Variants in IQCH observed in about 807,000 individuals in gnomAD.
IQCH encodes the protein IQ domain-containing protein H.
A neutral mutation model predicts 117.0 loss-of-function variants in IQCH; 98 were observed. That is an observed-to-expected ratio of 0.84 (90% CI 0.71 to 0.99). IQCH has a LOEUF of 0.99. Among genes scored for constraint, IQCH ranks in the 50% least tolerant of loss-of-function variants. IQCH has a pLI of 0.00. For missense variants in IQCH, 1,102 were observed against 1,243.8 expected, an observed-to-expected ratio of 0.89 and a Z score of 1.72; for synonymous variants, 412 against 448.2, an observed-to-expected ratio of 0.92 and a Z score of 1.02.
Position 67,466,799 on chromosome 15 carries a change from G to A in IQCH, c.2676+1502G>A, listed in dbSNP as rs527591674. ...CCAGGACCTTGCTAAGAGGCTTTCA[G>A]GTCCATCTCCACCTGTGGCCTCCAT... is the stretch of plus-strand genomic sequence containing the variant. On this transcript the variant is annotated intron_variant, in intron 17 of 20. Coordinates refer to ENST00000335894, the MANE Select transcript of IQCH (RefSeq NM_001031715.3). This position sits in a 1 kb window ranked among gnomAD's most constrained non-coding sequence, Gnocchi z 4.4. 2 of 152,504 alleles carry A rather than the reference G, an allele frequency of 1.3e-5. No homozygotes were observed. Among genetic ancestry groups the A allele is most frequent in the Admixed American group, 1.3e-4 (2 of 15,302 alleles). The allele number at this position is 152,504 out of a possible 1,614,324, so 9.4% of individuals were successfully genotyped here. A position where few individuals can be genotyped will look rare whatever the true frequency, so the allele number is the denominator to read the frequency against.
rs1378462680 is a variant in IQCH, at chr15:67,365,748, G to A, written c.753+5863G>A. Among the ~76,000 whole-genome samples, 6 of 152,134 alleles carry A rather than the reference G, an allele frequency of 3.9e-5. No individual in the cohort carries two copies. Among genetic ancestry groups the A allele is most frequent in the African/African-American group, 4.8e-5 (2 of 41,422 alleles). On this transcript the variant is annotated intron_variant, in intron 8 of 20. Coordinates refer to ENST00000335894, the MANE Select transcript of IQCH (RefSeq NM_001031715.3). The surrounding 1 kb of genome is among the most constrained non-coding windows in gnomAD (Gnocchi z 4.4). ...AGTTCAAGACCAGCCTGGACAACAT[G>A]GTGAAACCCTATCTCTACTAAAAAT... is the stretch of plus-strand genomic sequence containing the variant.
At chr15:67,334,269 TG>T (rs1968794681) in intron 4 of IQCH, among the ~76,000 whole-genome samples, 1 of 152,128 alleles carries the variant, frequency 6.6e-6, no homozygotes. Context: ...CCACAGCAGA[TG>T]ATACTTGAAT....
At position 67,400,318 on chromosome 15, in the gene IQCH, T is replaced by C. The variant is rs370178648; in HGVS notation, c.2097+13T>C. 3.1e-6 allele frequency: 5 copies of C among 1,602,748 alleles called. No homozygotes were observed. The African/African-American group carries it at 4.0e-5, about 13-fold the overall frequency. On this transcript the variant is annotated intron_variant, in intron 14 of 20. Coordinates refer to ENST00000335894, the MANE Select transcript of IQCH (RefSeq NM_001031715.3). Reference sequence around the variant, plus strand: ...GAAATGGGCACAAGTGAGTATTCAATGGTGACTTAAACCCGCAGGGTCTGT... The same window carrying C: ...GAAATGGGCACAAGTGAGTATTCAACGGTGACTTAAACCCGCAGGGTCTGT...
intron 3 of IQCH, among the ~76,000 whole-genome samples, chr15:67,264,836 C>T (rs1043846827): frequency 1.3e-5 from 2 of 151,840 alleles, no homozygotes; most frequent in Admixed American, 6.6e-5. Context: ...TTAGCTCACT[C>T]GCTCTCTCTC....
Position 67,426,323 on chromosome 15 carries a change from A to G in IQCH, c.2505+4746A>G, listed in dbSNP as rs990766394. Among the ~76,000 whole-genome samples, 1 of 152,160 alleles carries G rather than the reference A, an allele frequency of 6.6e-6. No homozygotes were observed. The highest frequency in any genetic ancestry group is 1.5e-5 in the Non-Finnish European group (1 of 68,030). On this transcript the variant is annotated intron_variant, in intron 16 of 20. Coordinates refer to ENST00000335894, the MANE Select transcript of IQCH (RefSeq NM_001031715.3). This position sits in a 1 kb window ranked among gnomAD's most constrained non-coding sequence, Gnocchi z 5.1. ...TGCATCTATAACTATTTCTATATCT[A>G]TCAAGTGTTTATATTATAAAACCAT...
rs1971186139 is a variant in IQCH at position 67,388,761 on chromosome 15, A to G, written c.1457-70A>G. On this transcript the variant is annotated intron_variant, in intron 11 of 20. Coordinates refer to ENST00000335894, the MANE Select transcript of IQCH (RefSeq NM_001031715.3). This position sits in a 1 kb window ranked among gnomAD's most constrained non-coding sequence, Gnocchi z 5.5. ...CTTTATTTTAAACTGCACAACACCA[A>G]TCGGATGCCAGAGTTCATAATGTCA... 6.0e-6 allele frequency: 8 copies of G among 1,322,598 alleles called. No homozygotes were observed. Among genetic ancestry groups the G allele is most frequent in the Non-Finnish European group, 8.6e-6 (8 of 928,684 alleles). 81.9% of individuals were successfully genotyped at this position (1,322,598 alleles called of 1,614,324 possible).
intron 16 of IQCH, among the ~76,000 whole-genome samples, chr15:67,439,888 C>CAAAAAAAAAAAAA (rs201813482): frequency 2.4e-5 from 2 of 83,966 alleles, no homozygotes; most frequent in African/African-American, 3.8e-5. Flanking sequence ...AACTCCGTCT[C>CAAAAAAAAAAAAA]AAAAAAAAAA....
intron 2 of IQCH, among the ~76,000 whole-genome samples, chr15:67,262,643 G>A: frequency 6.6e-6 from 1 of 152,150 alleles, no homozygotes; most frequent in East Asian, 1.9e-4. Flanking sequence ...GGCTAAAAAT[G>A]CATTGACTAT....
At chr15:67,292,706 A>G (rs997256420) in intron 4 of IQCH, among the ~76,000 whole-genome samples, 1 of 152,182 alleles carries the variant, frequency 6.6e-6, no homozygotes, top group Non-Finnish European at 1.5e-5. Context: ...ACCTAATGAC[A>G]TTTCACCCCT....
At chr15:67,263,937 A>T (rs558667381) in intron 3 of IQCH, among the ~76,000 whole-genome samples, 2 of 152,220 alleles carry the variant, frequency 1.3e-5, no homozygotes, top group East Asian at 3.9e-4. Context: ...AAGCTTTTGT[A>T]CTAAACTTAA....
chr15:67,309,774 T>A (rs1967493183), intron 4 of IQCH, among the ~76,000 whole-genome samples: 2 of 151,686 alleles, frequency 1.3e-5, no homozygotes, highest in Admixed American at 6.6e-5. Context: ...CAATCTGGTG[T>A]GCTGGGAGGG....
At chr15:67,265,470 G>T (rs1965632001) in intron 3 of IQCH, among the ~76,000 whole-genome samples, 1 of 152,214 alleles carries the variant, frequency 6.6e-6, no homozygotes, top group African/African-American at 2.4e-5. Flanking sequence ...AAACCTGGAG[G>T]AGTGGCATGA....
rs1971124618 is a variant in IQCH at position 67,386,872 on chromosome 15, G to C, written c.1456+1853G>C. Among the ~76,000 whole-genome samples, 12 of 152,114 alleles carry C rather than the reference G, an allele frequency of 7.9e-5. No homozygotes were observed. The highest frequency in any genetic ancestry group is 7.9e-4 in the Admixed American group (12 of 15,272). On this transcript the variant is annotated intron_variant, in intron 11 of 20. Transcript: ENST00000335894. This position sits in a 1 kb window ranked among gnomAD's most constrained non-coding sequence, Gnocchi z 5.0. ...TAAAACCCACTAATACTGAATCTTA[G>C]AGTTAGTGATACGTATTCCTTTGCC...
chr15:67,277,530 CT>C (rs574311972), intron 3 of IQCH, among the ~76,000 whole-genome samples: 2,444 of 128,762 alleles, frequency 0.019, 52 homozygotes, highest in African/African-American at 0.063. Flanking sequence ...CCTCCAGTAT[CT>C]TTTTTTTTTT....
At position 67,457,184 on chromosome 15, in the gene IQCH, A is replaced by G. The variant is rs188877059; in HGVS notation, c.2506-7943A>G. On this transcript the variant is annotated intron_variant, in intron 16 of 20. Transcript: ENST00000335894. The surrounding 1 kb of genome is among the most constrained non-coding windows in gnomAD (Gnocchi z 5.7). ...GCCTATTGATTTAGGCAGAGGGCCT[A>G]TTGCATTTTAATGTTATGCAAACAA... Among the ~76,000 whole-genome samples the G allele has an allele frequency of 3.6e-3, 541 of 152,270 alleles. 5 individuals are homozygous for G. The highest frequency in any genetic ancestry group is 0.012 in the African/African-American group (510 of 41,550).
At chr15:67,358,646 C>T (rs1970013095) in intron 7 of IQCH, among the ~76,000 whole-genome samples, 1 of 152,144 alleles carries the variant, frequency 6.6e-6, no homozygotes, top group African/African-American at 2.4e-5. Context: ...AACTTTTCAC[C>T]ACAGAAAGGA....
intron 6 of IQCH, among the ~76,000 whole-genome samples, chr15:67,347,817 A>C (rs1405555277): frequency 1.4e-5 from 2 of 138,780 alleles, no homozygotes; most frequent in African/African-American, 5.3e-5. Flanking sequence ...ATATATAGAT[A>C]TATATTTATA....
chr15:67,460,645 CAA>C lies in IQCH; in HGVS notation c.2506-4480_2506-4479del, dbSNP rs148228942. 9.4e-3 allele frequency among the ~76,000 whole-genome samples: 1,434 copies of C among 152,260 alleles called. 35 individuals carry two copies. The highest frequency in any genetic ancestry group is 0.031 in the African/African-American group (1,299 of 41,548). On this transcript the variant is annotated intron_variant, in intron 16 of 20. Transcript: ENST00000335894. ...TCTCTAGCATTCTAACCATTTTTAA[CAA>C]AGTGACCTTTAATCAGTCAAACAAC...
chr15:67,361,988 T>C (rs1970151267), intron 8 of IQCH, among the ~76,000 whole-genome samples: 1 of 152,040 alleles, frequency 6.6e-6, no homozygotes, highest in South Asian at 2.1e-4. Context: ...ATTTTATGGA[T>C]AAAACAAGCA....
Sources: allele counts gnomAD v4.1 joint callset (sites outside exome capture counted in the v4.1 genomes callset), GRCh38; gene constraint gnomAD v4.1.1; non-coding constraint Gnocchi (gnomAD v3.1); transcripts MANE v1.5; gene names NCBI Gene and HGNC (gene_info 2026-07-23, HGNC 2026-07-21).